Variants in SLC9A9 observed in about 807,000 individuals in gnomAD.
The protein encoded by SLC9A9 is sodium/hydrogen exchanger 9.
SLC9A9 carries 62 observed loss-of-function variants against 77.8 expected under a neutral mutation model. The ratio of observed to expected loss-of-function variants is 0.80; its 90% confidence interval spans 0.65 to 0.98. The LOEUF (loss-of-function observed/expected upper bound fraction) is 0.98. SLC9A9 is among the 50% of genes least tolerant of loss of function. SLC9A9 has a pLI of 0.00. For synonymous variants in SLC9A9, 320 were observed against 283.5 expected, an observed-to-expected ratio of 1.13 and a Z score of -1.29; for missense variants, 775 against 774.9, an observed-to-expected ratio of 1.00 and a Z score of 0.00.
intron 4 of SLC9A9, among the ~76,000 whole-genome samples, chr3:143,698,875 A>T (rs368699015): frequency 6.6e-6 from 1 of 152,234 alleles, no homozygotes; most frequent in Non-Finnish European, 1.5e-5. Flanking sequence ...CTTGTGAAAT[A>T]GGCCACTGTG....
intron 12 of SLC9A9, among the ~76,000 whole-genome samples, chr3:143,419,555 C>A (rs1223418903): frequency 6.6e-6 from 1 of 152,178 alleles, no homozygotes. Context: ...TCTCCCTCTT[C>A]CCCACGTCAC....
chr3:143,441,172 A>G (rs1387612654), intron 12 of SLC9A9, among the ~76,000 whole-genome samples: 1 of 152,180 alleles, frequency 6.6e-6, no homozygotes, highest in African/African-American at 2.4e-5. Flanking sequence ...AGTAACTGAG[A>G]ATCTCATGAG....
intron 12 of SLC9A9, among the ~76,000 whole-genome samples, chr3:143,404,839 G>A (rs1054016448): frequency 3.9e-5 from 6 of 152,290 alleles, no homozygotes; most frequent in Non-Finnish European, 7.4e-5. Flanking sequence ...AGCCTCTGAT[G>A]GTTACTGCTC....
chr3:143,702,788 CA>C (rs1211697578), intron 4 of SLC9A9, among the ~76,000 whole-genome samples: 1 of 151,420 alleles, frequency 6.6e-6, no homozygotes, highest in African/African-American at 2.4e-5. Flanking sequence ...ATGAAAAAAA[CA>C]AAAAACAAAA....
At chr3:143,411,178 C>CTTCTGATAG (rs2034090723) in intron 12 of SLC9A9, among the ~76,000 whole-genome samples, 1 of 152,174 alleles carries the variant, frequency 6.6e-6, no homozygotes, top group Non-Finnish European at 1.5e-5. Context: ...AGTAAGTAAC[C>CTTCTGATAG]TGTTCTATCA....
chr3:143,837,933 G>A (rs1036345025), intron 1 of SLC9A9, among the ~76,000 whole-genome samples: 3 of 152,198 alleles, frequency 2.0e-5, no homozygotes, highest in Non-Finnish European at 4.4e-5. Flanking sequence ...CAGCACTGAA[G>A]GTAGCAGAAC....
intron 11 of SLC9A9, among the ~76,000 whole-genome samples, chr3:143,489,526 T>C (rs2035705184): frequency 6.6e-6 from 1 of 151,712 alleles, no homozygotes; most frequent in African/African-American, 2.4e-5. Flanking sequence ...ATATAAAAAT[T>C]AACTCAAATG....
chr3:143,271,141 T>C (rs1937885434), intron 14 of SLC9A9, among the ~76,000 whole-genome samples: 1 of 152,182 alleles, frequency 6.6e-6, no homozygotes. Flanking sequence ...TATACAGAGT[T>C]TAGCATATGT....
In SLC9A9 at chr3:143,363,578, T is replaced by C. The variant is rs747902774; in HGVS notation, c.1525-15A>G. 6 of 1,608,726 alleles carry C rather than the reference T, an allele frequency of 3.7e-6. No individual in the cohort carries two copies. Among genetic ancestry groups the C allele is most frequent in the Non-Finnish European group, 5.1e-6 (6 of 1,175,740 alleles). On this transcript the variant is annotated splice_polypyrimidine_tract_variant and intron_variant, in intron 13 of 15. Coordinates refer to ENST00000316549, the MANE Select transcript of SLC9A9 (RefSeq NM_173653.4). ...TTATTTGCTTCCTGGGGAGAAACAATAGAAAAAGGCATTGGGTAAATAGTC... is the reference window on the plus strand; with the variant it reads ...TTATTTGCTTCCTGGGGAGAAACAACAGAAAAAGGCATTGGGTAAATAGTC...
rs535864799 is a variant in SLC9A9 at position 143,325,083 on chromosome 3, A to G, written c.1604+38401T>C. The stretch of plus-strand genomic sequence containing the variant: ...TGTCTCTTCTTATTAACCAGAAAAA[A>G]AAAAAAAAAAAACCTTCCACACTTT... On this transcript the variant is annotated intron_variant, in intron 14 of 15. Transcript: ENST00000316549. 8.6e-5 allele frequency among the ~76,000 whole-genome samples: 13 copies of G among 152,002 alleles called. No individual in the cohort carries two copies. The East Asian group carries it at 2.5e-3, about 29-fold the overall frequency.
intron 9 of SLC9A9, among the ~76,000 whole-genome samples, chr3:143,506,080 G>C (rs1204605212): frequency 6.6e-6 from 1 of 152,182 alleles, no homozygotes; most frequent in African/African-American, 2.4e-5. Context: ...AGCTTCTCAT[G>C]TTGGCACCTT....
chr3:143,727,636 C>T (rs1934689737), intron 4 of SLC9A9, among the ~76,000 whole-genome samples: 1 of 152,152 alleles, frequency 6.6e-6, no homozygotes, highest in Non-Finnish European at 1.5e-5. Flanking sequence ...AGTTTTATGG[C>T]TGGCAGAGCT....
intron 14 of SLC9A9, among the ~76,000 whole-genome samples, chr3:143,281,810 G>T (rs1354758710): frequency 6.6e-6 from 1 of 152,184 alleles, no homozygotes; most frequent in Admixed American, 6.5e-5. Context: ...TTGCTCAAGT[G>T]GTTGAGATCA....
chr3:143,598,169 A>G (rs964457149), intron 6 of SLC9A9, among the ~76,000 whole-genome samples: 1 of 152,068 alleles, frequency 6.6e-6, no homozygotes, highest in African/African-American at 2.4e-5. Context: ...CATTATTCTG[A>G]GAGCATAGCT....
chr3:143,345,002 G>A (rs2032218321), intron 14 of SLC9A9, among the ~76,000 whole-genome samples: 1 of 152,170 alleles, frequency 6.6e-6, no homozygotes, highest in Admixed American at 6.5e-5. Flanking sequence ...AACTGGATGA[G>A]GGAGGACCCA....
intron 2 of SLC9A9, 118 bp from the exon 3 acceptor site, chr3:143,797,021 T>C: frequency 1.3e-6 from 1 of 744,000 alleles, no homozygotes; most frequent in Admixed American, 2.6e-5. Context: ...ATATTAACTA[T>C]TAACTTGGCA....
intron 12 of SLC9A9, among the ~76,000 whole-genome samples, chr3:143,401,310 C>T (rs968052517): frequency 2.6e-4 from 39 of 152,164 alleles, no homozygotes; most frequent in African/African-American, 8.7e-4. Flanking sequence ...TTAATATTCC[C>T]ATTTGGGTAT....
intron 13 of SLC9A9, among the ~76,000 whole-genome samples, chr3:143,364,727 C>T (rs77790632): frequency 6.6e-6 from 1 of 152,302 alleles, no homozygotes; most frequent in African/African-American, 2.4e-5. Context: ...GCAAAGTGTG[C>T]TTCACTTTTA....
chr3:143,524,123 G>C (rs2036363556), intron 9 of SLC9A9, among the ~76,000 whole-genome samples: 1 of 151,480 alleles, frequency 6.6e-6, no homozygotes, highest in African/African-American at 2.4e-5. Context: ...CAAGTGAAGA[G>C]AGGGGTTTTG....
Sources: gnomAD v4.1 joint callset for allele counts (sites outside exome capture counted in the v4.1 genomes callset) on GRCh38, gnomAD v4.1.1 for gene constraint, MANE v1.5 for transcripts, NCBI Gene and HGNC (gene_info 2026-07-23, HGNC 2026-07-21) for gene names.